Variants in MAP3K21 observed in about 807,000 individuals in gnomAD.
MAP3K21 encodes the protein mitogen-activated protein kinase kinase kinase MLK4.
In MAP3K21, 63 loss-of-function variants were observed where a neutral mutation model predicts 86.1. The observed-to-expected ratio is 0.73, with a 90% CI of 0.60 to 0.90. The LOEUF is 0.90. Ranked by LOEUF, MAP3K21 falls within the 40% of genes least tolerant of loss-of-function variation. The pLI is 0.00. For synonymous variants in MAP3K21, 558 were observed against 564.8 expected, an observed-to-expected ratio of 0.99 and a Z score of 0.17; for missense variants, 1,220 against 1,367.7, an observed-to-expected ratio of 0.89 and a Z score of 1.70.
At chr1:233,375,133 C>T (rs999366149) in intron 6 of MAP3K21, among the ~76,000 whole-genome samples, 5 of 151,506 alleles carry the variant, frequency 3.3e-5, no homozygotes, top group South Asian at 2.1e-4. Context: ...TAGTGGAGAC[C>T]GGGTTTCACC....
At chr1:233,349,041 A>G (rs1275790137) in intron 2 of MAP3K21, among the ~76,000 whole-genome samples, 1 of 152,144 alleles carries the variant, frequency 6.6e-6, no homozygotes, top group African/African-American at 2.4e-5. Flanking sequence ...TAATTGTTCT[A>G]CTTAAAGCTT....
chr1:233,328,889 G>A lies in MAP3K21; in HGVS notation c.805+56G>A, dbSNP rs1293337050. The A allele has an allele frequency of 7.2e-7, 1 of 1,390,296 alleles. No individual in the cohort carries two copies. Among genetic ancestry groups the A allele is most frequent in the East Asian group, 3.1e-5 (1 of 32,598 alleles). 86.1% of individuals were successfully genotyped at this position (1,390,296 alleles called of 1,614,324 possible). On this transcript the variant is annotated intron_variant, in intron 1 of 9. Coordinates refer to ENST00000366624, the MANE Select transcript of MAP3K21 (RefSeq NM_032435.3). This position sits in a 1 kb window ranked among gnomAD's most constrained non-coding sequence, Gnocchi z 8.7. ...ACTACCTCCGTGCCAGCCCAGGCGG[G>A]CTCCACAGGACATAGTACCAGATGG...
chr1:233,331,137 G>T (rs1394837730), intron 1 of MAP3K21, among the ~76,000 whole-genome samples: 1 of 152,104 alleles, frequency 6.6e-6, no homozygotes, highest in Non-Finnish European at 1.5e-5. Context: ...TAATTTGATG[G>T]TGATTACATG....
intron 8 of MAP3K21, 25 bp from the exon 9 acceptor site, chr1:233,378,906 T>C (rs749960405): frequency 2.0e-6 from 3 of 1,519,286 alleles, no homozygotes; most frequent in Non-Finnish European, 2.7e-6. Flanking sequence ...GATACTACAG[T>C]GTATGTACTT....
rs763043232 is a variant in MAP3K21, at chr1:233,384,548, G to A, written c.*1837G>A. 7.2e-6 allele frequency: 1 copy of A among 138,646 alleles called. No homozygotes were observed. Among genetic ancestry groups the A allele is most frequent in the Non-Finnish European group, 1.5e-5 (1 of 65,162 alleles). The allele number at this position is 138,646 out of a possible 1,614,324, so 8.6% of individuals were successfully genotyped here. On this transcript the variant is annotated 3_prime_UTR_variant, in exon 10 of 10. Coordinates refer to ENST00000366624, the MANE Select transcript of MAP3K21 (RefSeq NM_032435.3). ...TTTGTGTTCAGTCCTTTTGGAACAC[G>A]TAGCTTCCAGCTTAAGGGTAGAGAA...
intron 5 of MAP3K21, among the ~76,000 whole-genome samples, chr1:233,369,927 T>C (rs1226085398): frequency 6.6e-6 from 1 of 152,186 alleles, no homozygotes; most frequent in Admixed American, 6.5e-5. Flanking sequence ...AGGCTCAGGT[T>C]TGCAGGGACT....
chr1:233,333,296 G>A (rs1041683493), intron 1 of MAP3K21, among the ~76,000 whole-genome samples: 5 of 152,108 alleles, frequency 3.3e-5, no homozygotes, highest in African/African-American at 9.7e-5. Flanking sequence ...CCTATTCCAG[G>A]AGGCACAGAG....
chr1:233,339,665 G>A (rs1344873480), intron 1 of MAP3K21, among the ~76,000 whole-genome samples: 1 of 151,736 alleles, frequency 6.6e-6, no homozygotes, highest in African/African-American at 2.4e-5. Context: ...AAGTTCTTTT[G>A]TAGGGGTTGG....
chr1:233,346,611 C>T lies in MAP3K21; in HGVS notation c.975C>T (p.Ser325=), dbSNP rs762120674. Residue 325 remains serine, a synonymous_variant, in exon 2 of 10, where the codon AGC becomes AGT. Coordinates refer to ENST00000366624, the MANE Select transcript of MAP3K21 (RefSeq NM_032435.3). ...AGTCTTCCTTGTTTTCTAAGGGAAG[C>T]GACATCTGGAGGTGAGCCTTTCCTT... The part of the protein sequence containing the change: ...VIKSSLFSKG[S]DIWSYGVLLW... 1.3e-4 allele frequency: 208 copies of T among 1,612,828 alleles called. No homozygotes were observed. The highest frequency in any genetic ancestry group is 1.7e-4 in the Non-Finnish European group (200 of 1,179,604).
At chr1:233,368,316 A>G (rs1663618280) in intron 5 of MAP3K21, among the ~76,000 whole-genome samples, 1 of 151,908 alleles carries the variant, frequency 6.6e-6, no homozygotes, top group South Asian at 2.1e-4. Flanking sequence ...AGTCTAGTCA[A>G]TTTTTTACCT....
intron 4 of MAP3K21, among the ~76,000 whole-genome samples, chr1:233,359,825 A>G (rs1276395970): frequency 6.6e-6 from 1 of 152,236 alleles, no homozygotes; most frequent in Non-Finnish European, 1.5e-5. Context: ...ATACTTTTGA[A>G]GTATTCAAAG....
chr1:233,338,224 G>A (rs531737737), intron 1 of MAP3K21, among the ~76,000 whole-genome samples: 1 of 152,178 alleles, frequency 6.6e-6, no homozygotes. Context: ...GTGAAGTTCT[G>A]TTTTAGCTTA....
At chr1:233,347,397 A>G (rs1001105903) in intron 2 of MAP3K21, among the ~76,000 whole-genome samples, 2 of 152,218 alleles carry the variant, frequency 1.3e-5, no homozygotes, top group Admixed American at 6.5e-5. Flanking sequence ...GCTTTGTCTC[A>G]TTAGAAGGAT....
intron 2 of MAP3K21, 71 bp from the exon 3 acceptor site, chr1:233,353,736 A>G (rs2102753542): frequency 2.9e-6 from 4 of 1,368,772 alleles, no homozygotes; most frequent in South Asian, 1.9e-5. Context: ...TGAAGGGTTT[A>G]TCTCACTAAG....
In MAP3K21 at chr1:233,382,287, T is replaced by C. The variant is rs1045278515; in HGVS notation, c.2705-18T>C. 14 of 1,600,408 alleles carry C rather than the reference T, an allele frequency of 8.7e-6. No individual in the cohort carries two copies. The highest frequency in any genetic ancestry group is 5.1e-6 in the Non-Finnish European group (6 of 1,170,132). ...CATTTTCTTTCTAACTGCATACTGTTTTGGCTTTCTCAACCAGCTGGTGCA... is the reference window on the plus strand; with the variant it reads ...CATTTTCTTTCTAACTGCATACTGTCTTGGCTTTCTCAACCAGCTGGTGCA... On this transcript the variant is annotated intron_variant, in intron 9 of 9. Coordinates refer to ENST00000366624, the MANE Select transcript of MAP3K21 (RefSeq NM_032435.3).
chr1:233,346,575 C>G lies in MAP3K21; in HGVS notation c.939C>G (p.Pro313=). 1 of 1,613,890 alleles carries G rather than the reference C, an allele frequency of 6.2e-7. No individual in the cohort carries two copies. Among genetic ancestry groups the G allele is most frequent in the Non-Finnish European group, 8.5e-7 (1 of 1,179,878 alleles). ...STAGTYAWMA[P]EVIKSSLFSK... is the part of the protein sequence containing the mutation. ...CAGGCACCTATGCCTGGATGGCCCC[C>G]GAAGTGATCAAGTCTTCCTTGTTTT... The change falls in exon 2 of 10, where the codon CCC becomes CCG. Residue 313 remains proline (P), a synonymous_variant. Transcript: ENST00000366624.
intron 2 of MAP3K21, among the ~76,000 whole-genome samples, chr1:233,351,365 T>A (rs975073673): frequency 1.3e-5 from 2 of 152,176 alleles, no homozygotes; most frequent in African/African-American, 2.4e-5. Flanking sequence ...GATCTCACTA[T>A]TATTTGATAG....
chr1:233,331,776 T>G (rs2102756552), intron 1 of MAP3K21, among the ~76,000 whole-genome samples: 1 of 152,356 alleles, frequency 6.6e-6, no homozygotes, highest in East Asian at 1.9e-4. Context: ...TAGTAGATCT[T>G]CTCAAGTTTT....
At chr1:233,368,642 TA>T (rs1196564859) in intron 5 of MAP3K21, among the ~76,000 whole-genome samples, 1 of 146,328 alleles carries the variant, frequency 6.8e-6, no homozygotes, top group Non-Finnish European at 1.5e-5. Context: ...GATAACAGAG[TA>T]AAATCTTGTC....
Sources: allele counts gnomAD v4.1 joint callset (sites outside exome capture counted in the v4.1 genomes callset), GRCh38; gene constraint gnomAD v4.1.1; non-coding constraint Gnocchi (gnomAD v3.1); transcripts MANE v1.5; gene names NCBI Gene and HGNC (gene_info 2026-07-23, HGNC 2026-07-21).